UBXN8: variants seen among roughly 807,000 people sequenced by gnomAD.
UBXN8 encodes the protein UBX domain protein 8.
In UBXN8, 27 loss-of-function variants were observed where a neutral mutation model predicts 32.1. The ratio of observed to expected loss-of-function variants is 0.84; its 90% CI spans 0.62 to 1.16. The LOEUF is 1.16. Ranked by LOEUF, UBXN8 falls within the 50% of genes most tolerant of loss-of-function variation. UBXN8 has a pLI of 0.00. For missense variants in UBXN8, 306 were observed against 311.4 expected, an observed-to-expected ratio of 0.98 and a Z score of 0.13; for synonymous variants, 109 against 111.8, an observed-to-expected ratio of 0.98 and a Z score of 0.16.
Position 30,763,026 on chromosome 8 carries a change from T to C in UBXN8, c.571-247T>C, listed in dbSNP as rs534920322. On this transcript the variant is annotated intron_variant, in intron 6 of 7. Transcript: ENST00000265616. ...CTGGGACTAGAGGCGTGCACCCACA[T>C]CTAGCTAATTTTTCTATTTTTTATG... 98 of 477,744 alleles carry C rather than the reference T, an allele frequency of 2.1e-4. 2 individuals carry two copies. The South Asian group carries it at 2.2e-3, about 11-fold the overall frequency. The allele number at this position is 477,744 out of a possible 1,614,324, so 29.6% of individuals were successfully genotyped here.
chr8:30,763,186 CT>C, intron 6 of UBXN8, 86 bp from the exon 7 acceptor site: 1 of 1,352,778 alleles, frequency 7.4e-7, no homozygotes, highest in Non-Finnish European at 1.0e-6. Context: ...TATCTAAGTC[CT>C]TTTTAGCTGC....
chr8:30,754,023 C>T (rs528863697), intron 3 of UBXN8, among the ~76,000 whole-genome samples: 14 of 152,176 alleles, frequency 9.2e-5, no homozygotes, highest in Middle Eastern at 6.8e-3. Context: ...GGGTGGATCA[C>T]GAGGTCAAGA....
upstream of UBXN8, among the ~76,000 whole-genome samples, chr8:30,743,694 G>A (rs80032360): frequency 3.2e-3 from 483 of 152,336 alleles, 3 homozygotes; most frequent in Admixed American, 0.011. Flanking sequence ...CCCCACTTTC[G>A]AGTTGTCTTT....
chr8:30,760,831 T>A (rs1431882873), intron 5 of UBXN8, 57 bp from the exon 6 acceptor site: 2 of 1,162,254 alleles, frequency 1.7e-6, no homozygotes, highest in Non-Finnish European at 2.5e-6. Flanking sequence ...ACTCTTCTCA[T>A]TGACACTTTT....
At chr8:30,746,578 A>G (rs1436302330) in intron 1 of UBXN8, among the ~76,000 whole-genome samples, 1 of 130,034 alleles carries the variant, frequency 7.7e-6, no homozygotes, top group East Asian at 2.2e-4. Context: ...GCTGGAGTGC[A>G]GTGGTGCAGT....
At chr8:30,753,455 C>A (rs1455282156) in intron 3 of UBXN8, among the ~76,000 whole-genome samples, 1 of 152,066 alleles carries the variant, frequency 6.6e-6, no homozygotes, top group African/African-American at 2.4e-5. Context: ...TGTTGTTTTG[C>A]TATGTTGACC....
upstream of UBXN8, among the ~76,000 whole-genome samples, chr8:30,741,746 G>A (rs1187616813): frequency 4.6e-5 from 7 of 152,052 alleles, no homozygotes; most frequent in African/African-American, 9.7e-5. Flanking sequence ...CACCGCGCCC[G>A]GCCACAATGT....
intron 3 of UBXN8, chr8:30,754,390 T>A (rs756073938): frequency 5.6e-6 from 3 of 533,584 alleles, no homozygotes; most frequent in Non-Finnish European, 7.4e-6. Context: ...AAGTAGATCC[T>A]CCCATTCTCT....
At chr8:30,737,059 TGTTTA>T (rs1805082002) in intron 1 of UBXN8, among the ~76,000 whole-genome samples, 1 of 152,182 alleles carries the variant, frequency 6.6e-6, no homozygotes, top group South Asian at 2.1e-4. Flanking sequence ...ATGTTCTTTT[TGTTTA>T]ATTTTCATAT....
Position 30,756,798 on chromosome 8 carries a change from A to T in UBXN8, c.439A>T (p.Thr147Ser), listed in dbSNP as rs753889677. Residue 147 changes from threonine to serine, a missense_variant, in exon 5 of 8, where the codon ACA becomes TCA. Thr to Ser is a moderately conservative substitution (Grantham distance 58). Coordinates refer to ENST00000265616, the MANE Select transcript of UBXN8 (RefSeq NM_005671.4). The stretch of plus-strand genomic sequence containing the variant: ...AGGTACAAGTCAGACATCTTTTGAA[A>T]CATCAAACAGAGAAGCAGCAAAGAG... ...DEGTSQTSFE[T>S]SNREAAKSQN... 1 of 1,614,058 alleles carries T rather than the reference A, an allele frequency of 6.2e-7. No individual in the cohort carries two copies. Among genetic ancestry groups the T allele is most frequent in the South Asian group, 1.1e-5 (1 of 91,088 alleles).
At chr8:30,742,172 C>T (rs1203942214), upstream of UBXN8, among the ~76,000 whole-genome samples, 3 of 152,144 alleles carry the variant, frequency 2.0e-5, no homozygotes, top group Non-Finnish European at 4.4e-5. Context: ...CTGAACTAGT[C>T]AATATAATTA....
At chr8:30,760,446 T>A (rs199839130) in intron 5 of UBXN8, among the ~76,000 whole-genome samples, 6,656 of 137,408 alleles carry the variant, frequency 0.048, 194 homozygotes, top group African/African-American at 0.076. Context: ...TATATATATT[T>A]TTTTTTTTTT....
chr8:30,743,456 G>T (rs1301336614), upstream of UBXN8, among the ~76,000 whole-genome samples: 1 of 152,146 alleles, frequency 6.6e-6, no homozygotes, highest in East Asian at 1.9e-4. Context: ...GCCTGGCCAG[G>T]AAAGATAATT....
intron 1 of UBXN8, among the ~76,000 whole-genome samples, chr8:30,748,234 T>C (rs1179831877): frequency 1.3e-5 from 2 of 151,920 alleles, no homozygotes; most frequent in Non-Finnish European, 2.9e-5. Context: ...CAAGTGATTC[T>C]CCTGCCTCAG....
At chr8:30,737,847 AAAC>A (rs780691104) in intron 1 of UBXN8, among the ~76,000 whole-genome samples, 3 of 152,200 alleles carry the variant, frequency 2.0e-5, no homozygotes, top group Admixed American at 6.5e-5. Context: ...GACCCTGTTA[AAAC>A]AACAACAACC....
At chr8:30,749,405 T>TAAAG (rs1805455375) in intron 1 of UBXN8, among the ~76,000 whole-genome samples, 1 of 136,268 alleles carries the variant, frequency 7.3e-6, no homozygotes, top group Non-Finnish European at 1.6e-5. Flanking sequence ...AAAAAAAAAA[T>TAAAG]AAAATAAATA....
At position 30,763,313 on chromosome 8, in the gene UBXN8, TGAG is replaced by T. The variant is rs1805909227; in HGVS notation, c.615_617del (p.Arg207del). 2 of 1,613,864 alleles carry T rather than the reference TGAG, an allele frequency of 1.2e-6. No homozygotes were observed. The highest frequency in any genetic ancestry group is 1.7e-6 in the Non-Finnish European group (2 of 1,179,724). ...CTCCGATGTCCCAGTGGGAATGTCC[TGAG>T]GAGAAGGTTTTTGAAGTCCTACAGC... On this transcript the variant is annotated inframe_deletion, in exon 7 of 8. Coordinates refer to ENST00000265616, the MANE Select transcript of UBXN8 (RefSeq NM_005671.4).
intron 1 of UBXN8, among the ~76,000 whole-genome samples, chr8:30,745,268 T>C (rs568483516): frequency 4.6e-5 from 7 of 152,228 alleles, no homozygotes; most frequent in African/African-American, 1.7e-4. Context: ...TATGGGTTGA[T>C]GTTTGGGGCA....
At chr8:30,745,564 C>T (rs1305839203) in intron 1 of UBXN8, among the ~76,000 whole-genome samples, 2 of 152,046 alleles carry the variant, frequency 1.3e-5, no homozygotes, top group African/African-American at 4.8e-5. Context: ...ATGTTGCGTG[C>T]AATAAGAAAT....
Sources: allele counts gnomAD v4.1 joint callset (sites outside exome capture counted in the v4.1 genomes callset), GRCh38; gene constraint gnomAD v4.1.1; transcripts MANE v1.5; gene names NCBI Gene and HGNC (gene_info 2026-07-23, HGNC 2026-07-21).